The following PFKFB3 variants were observed in gnomAD, a reference collection of about 807,000 sequenced individuals.
The protein encoded by PFKFB3 is 6-phosphofructo-2-kinase/fructose-2,6-bisphosphatase 3.
In PFKFB3, 33 loss-of-function variants were observed where a neutral mutation model predicts 68.0. The observed-to-expected ratio is 0.49, with a 90% CI of 0.37 to 0.65. The LOEUF (loss-of-function observed/expected upper bound fraction) is 0.65. Ranked by LOEUF, PFKFB3 falls within the 30% of genes least tolerant of loss-of-function variation. The pLI, the probability that PFKFB3 is intolerant of heterozygous loss-of-function variation, is 0.00. For synonymous variants in PFKFB3, 315 were observed against 288.2 expected, an observed-to-expected ratio of 1.09 and a Z score of -0.94; for missense variants, 586 against 712.2, an observed-to-expected ratio of 0.82 and a Z score of 2.02.
chr10:6,191,336 C>T (rs757753158), intron 1 of PFKFB3, among the ~76,000 whole-genome samples: 2 of 152,224 alleles, frequency 1.3e-5, no homozygotes, highest in African/African-American at 4.8e-5. Flanking sequence ...AGACCCGTTG[C>T]GTGCCAAGGG....
chr10:6,310,788 A>G, the PFKFB3 span, among the ~76,000 whole-genome samples: 1 of 152,344 alleles, frequency 6.6e-6, no homozygotes, highest in Admixed American at 6.5e-5. Context: ...ATAAAGAGGG[A>G]AAAGAAATAA....
chr10:6,183,766 C>G (rs1292926855), intron 1 of PFKFB3, among the ~76,000 whole-genome samples: 1 of 150,920 alleles, frequency 6.6e-6, no homozygotes, highest in East Asian at 1.9e-4. Context: ...CGGCTCACTG[C>G]AAGCTCTGCC....
chr10:6,171,778 GGTT>G (rs923432561), intron 1 of PFKFB3, among the ~76,000 whole-genome samples: 1 of 152,368 alleles, frequency 6.6e-6, no homozygotes, highest in African/African-American at 2.4e-5. Flanking sequence ...TAGATAAACA[GGTT>G]GTTGGGGGTA....
chr10:6,216,972 C>T (rs1208058161), intron 5 of PFKFB3, among the ~76,000 whole-genome samples, 163 bp from the exon 6 acceptor site: 3 of 152,104 alleles, frequency 2.0e-5, no homozygotes, highest in Admixed American at 2.0e-4. Context: ...CTCTTGGGGG[C>T]CATGGGGCGT....
At chr10:6,239,415 T>C (rs1846092214), downstream of PFKFB3, among the ~76,000 whole-genome samples, 2 of 152,164 alleles carry the variant, frequency 1.3e-5, no homozygotes, top group Admixed American at 6.5e-5. Flanking sequence ...GCCAGGATGC[T>C]CCTGCATGAG....
At chr10:6,262,421 C>A in the PFKFB3 span, among the ~76,000 whole-genome samples, 3 of 141,770 alleles carry the variant, frequency 2.1e-5, no homozygotes, top group South Asian at 4.4e-4. Context: ...CACCACTGCA[C>A]TCCAGCCTGG....
At chr10:6,186,018 G>C (rs1460126064) in intron 1 of PFKFB3, among the ~76,000 whole-genome samples, 1 of 151,860 alleles carries the variant, frequency 6.6e-6, no homozygotes, top group Non-Finnish European at 1.5e-5. Context: ...CAGGAACCTT[G>C]GTGGCCCAGT....
At chr10:6,195,262 G>C (rs1030706304) in intron 1 of PFKFB3, among the ~76,000 whole-genome samples, 7 of 152,162 alleles carry the variant, frequency 4.6e-5, no homozygotes. Flanking sequence ...GGTGGTTTAG[G>C]CATTAGTAGT....
downstream of PFKFB3, among the ~76,000 whole-genome samples, chr10:6,259,184 T>TATCCATCCATCC (rs199968075): frequency 7.2e-6 from 1 of 138,442 alleles, no homozygotes; most frequent in East Asian, 2.2e-4. Context: ...CCCATCCATC[T>TATCCATCCATCC]ATCCATCCAT....
At chr10:6,165,885 G>A (rs1332458151) in intron 1 of PFKFB3, among the ~76,000 whole-genome samples, 3 of 150,566 alleles carry the variant, frequency 2.0e-5, no homozygotes, top group Non-Finnish European at 2.9e-5. Flanking sequence ...TGCTATCTCC[G>A]CTCACTGCAA....
At chr10:6,165,451 C>T (rs1195797250) in intron 1 of PFKFB3, among the ~76,000 whole-genome samples, 1 of 152,190 alleles carries the variant, frequency 6.6e-6, no homozygotes, top group Non-Finnish European at 1.5e-5. Context: ...TCTCTCTTTT[C>T]CCCACAACTT....
chr10:6,299,968 CTTTTTTTTTTT>C, the PFKFB3 span, among the ~76,000 whole-genome samples: 19 of 48,598 alleles, frequency 3.9e-4, 2 homozygotes, highest in Admixed American at 5.7e-3. Flanking sequence ...GTTCAGAAGA[CTTTTTTTTTTT>C]TTTTTTTTTT....
downstream of PFKFB3, among the ~76,000 whole-genome samples, chr10:6,257,153 G>A (rs1404464539): frequency 6.6e-6 from 1 of 152,122 alleles, no homozygotes; most frequent in African/African-American, 2.4e-5. Flanking sequence ...GGGGCCATCC[G>A]AGGAGTTGGG....
chr10:6,147,399 A>G (rs4750020), intron 1 of PFKFB3, among the ~76,000 whole-genome samples: 56,205 of 152,116 alleles, frequency 0.37, 11,080 homozygotes, highest in South Asian at 0.5. Flanking sequence ...AGCAGGGACA[A>G]CTGTGGATTC....
downstream of PFKFB3, among the ~76,000 whole-genome samples, chr10:6,239,530 GATTTTCTGGAGTGGGTC>G (rs1846094416): frequency 6.6e-6 from 1 of 152,200 alleles, no homozygotes; most frequent in Non-Finnish European, 1.5e-5. Context: ...ACGAACAACA[GATTTTCTGGAGTGGGTC>G]ATAACTCAAG....
downstream of PFKFB3, among the ~76,000 whole-genome samples, chr10:6,259,542 T>TCATCCATCCATCCATC (rs201570223): frequency 0.76 from 103,978 of 137,236 alleles, 42,500 homozygotes; most frequent in Non-Finnish European, 0.9. Context: ...ATCCATCTGC[T>TCATCCATCCATCCATC]CATCCATCCA....
chr10:6,277,851 A>G, the PFKFB3 span: 1 of 257,322 alleles, frequency 3.9e-6, no homozygotes, highest in Non-Finnish European at 8.4e-6. Flanking sequence ...TACAGCATGT[A>G]ACCTGCTAGT....
At chr10:6,232,764 T>C in intron 14 of PFKFB3, 131 bp from the exon 15 acceptor site, 2 of 753,080 alleles carry the variant, frequency 2.7e-6, no homozygotes, top group East Asian at 2.5e-5. Context: ...GCACCTTTCT[T>C]GGATCATGTT....
Position 6,228,479 on chromosome 10 carries a change from C to T in PFKFB3, c.1515+2114C>T, listed in dbSNP as rs79760820. On this transcript the variant is annotated intron_variant, in intron 14 of 14. Coordinates refer to ENST00000379775, the MANE Select transcript of PFKFB3 (RefSeq NM_004566.4). The surrounding 1 kb of genome is among the most constrained non-coding windows in gnomAD (Gnocchi z 4.5). ...CACGACCGCTGGCTTCTCCCCTACC[C>T]TCTCAGGGCTGCAGGTCGTGGTGTG... Among the ~76,000 whole-genome samples the T allele has an allele frequency of 4.7e-4, 72 of 152,234 alleles. 1 individual carries two copies. The highest frequency in any genetic ancestry group is 9.3e-4 in the Non-Finnish European group (63 of 68,022).
Sources: allele counts gnomAD v4.1 joint callset (sites outside exome capture counted in the v4.1 genomes callset), GRCh38; gene constraint gnomAD v4.1.1; non-coding constraint Gnocchi (gnomAD v3.1); transcripts MANE v1.5; gene names NCBI Gene and HGNC (gene_info 2026-07-23, HGNC 2026-07-21).